The following SLC35F3 variants were observed in gnomAD, a reference collection of about 807,000 sequenced individuals.
The protein encoded by SLC35F3 is solute carrier family 35 member F3.
A neutral mutation model predicts 49.9 loss-of-function variants in SLC35F3; 25 were observed. That is an observed-to-expected ratio of 0.50 (90% CI 0.37 to 0.70). SLC35F3 has a LOEUF of 0.70. Ranked by LOEUF, SLC35F3 falls within the 30% of genes least tolerant of loss-of-function variation. The pLI is 0.00. For synonymous variants in SLC35F3, 275 were observed against 265.4 expected, an observed-to-expected ratio of 1.04 and a Z score of -0.35; for missense variants, 525 against 639.8, an observed-to-expected ratio of 0.82 and a Z score of 1.94.
intron 2 of SLC35F3, among the ~76,000 whole-genome samples, chr1:234,011,476 G>C (rs1017140551): frequency 5.9e-5 from 9 of 152,092 alleles, no homozygotes; most frequent in African/African-American, 2.2e-4. Flanking sequence ...CAAATGGCCA[G>C]AGCCTATCCC....
chr1:234,307,991 T>G (rs1313103019), intron 3 of SLC35F3, among the ~76,000 whole-genome samples: 2 of 152,176 alleles, frequency 1.3e-5, no homozygotes, highest in Admixed American at 1.3e-4. Context: ...TGGCTTTAAT[T>G]TTCTTAAAGA....
chr1:234,095,150 A>G (rs964429997), intron 2 of SLC35F3, among the ~76,000 whole-genome samples: 1 of 152,082 alleles, frequency 6.6e-6, no homozygotes, highest in African/African-American at 2.4e-5. Flanking sequence ...ATATGAAATT[A>G]CTCCCAGAGA....
chr1:234,129,418 C>A (rs2102897444), intron 2 of SLC35F3, among the ~76,000 whole-genome samples: 1 of 152,224 alleles, frequency 6.6e-6, no homozygotes, highest in South Asian at 2.1e-4. Context: ...TACAAAACTA[C>A]AAAAGATTGC....
rs562250316 is a variant in SLC35F3 at position 234,226,663 on chromosome 1, G to A, written c.284-4754G>A. 3.3e-5 allele frequency among the ~76,000 whole-genome samples: 5 copies of A among 151,992 alleles called. No homozygotes were observed. In the South Asian group the frequency reaches 6.3e-4, roughly 19 times the overall value. ...CCCGAATGAGTTGGTAGCTAACCTC[G>A]ACCTTCAGCTCACCCATTGTGACCT... On this transcript the variant is annotated intron_variant, in intron 2 of 7. Coordinates refer to ENST00000366618, the MANE Select transcript of SLC35F3 (RefSeq NM_173508.4).
At chr1:234,098,152 A>G (rs539846189) in intron 2 of SLC35F3, among the ~76,000 whole-genome samples, 3 of 135,112 alleles carry the variant, frequency 2.2e-5, no homozygotes, top group Non-Finnish European at 4.7e-5. Flanking sequence ...GGTGGTAGTG[A>G]TGGTGTTATA....
intron 2 of SLC35F3, among the ~76,000 whole-genome samples, chr1:234,001,834 A>G (rs1474672946): frequency 6.6e-6 from 1 of 152,244 alleles, no homozygotes. Flanking sequence ...CCCATCTTGC[A>G]GGGAAATATG....
At chr1:234,313,447 G>A (rs1657408618) in intron 4 of SLC35F3, among the ~76,000 whole-genome samples, 1 of 152,180 alleles carries the variant, frequency 6.6e-6, no homozygotes, top group African/African-American at 2.4e-5. Flanking sequence ...ATGAGGACAG[G>A]AAGATGCTAA....
intron 2 of SLC35F3, among the ~76,000 whole-genome samples, chr1:233,972,021 C>T (rs1663002100): frequency 6.6e-6 from 1 of 152,210 alleles, no homozygotes; most frequent in Admixed American, 6.5e-5. Flanking sequence ...GGTGAGGGAG[C>T]CCCAGCAGCT....
At chr1:234,002,611 G>A (rs755054191) in intron 2 of SLC35F3, among the ~76,000 whole-genome samples, 4 of 152,110 alleles carry the variant, frequency 2.6e-5, no homozygotes, top group Non-Finnish European at 4.4e-5. Flanking sequence ...TACAGTTGAC[G>A]TTGGCCTTGA....
intron 2 of SLC35F3, among the ~76,000 whole-genome samples, chr1:233,962,894 C>T (rs1662827618): frequency 6.6e-6 from 1 of 152,218 alleles, no homozygotes; most frequent in Non-Finnish European, 1.5e-5. Context: ...AATTAATCCT[C>T]ACTCTTTGCA....
rs796933380 is a variant in SLC35F3, at chr1:234,143,271, C to CTCTTTTCTTT, written c.284-88134_284-88125dup. On this transcript the variant is annotated intron_variant, in intron 2 of 7. Transcript: ENST00000366618. ...GTTCTCTCTGCTTCTATGAGTTTGA[C>CTCTTTTCTTT]TCTTTTCTTTTCTTTTCTTTTTTTT... 3.1e-4 allele frequency among the ~76,000 whole-genome samples: 42 copies of CTCTTTTCTTT among 135,090 alleles called. 3 individuals carry two copies. In the East Asian group the frequency reaches 3.7e-3, roughly 12 times the overall value. 88.6% of individuals were successfully genotyped at this position (135,090 alleles called of 152,430 possible). A position where few individuals can be genotyped will look rare whatever the true frequency, so the allele number is the denominator to read the frequency against.
intron 2 of SLC35F3, among the ~76,000 whole-genome samples, chr1:234,208,940 C>G (rs1321833284): frequency 6.6e-6 from 1 of 152,214 alleles, no homozygotes; most frequent in African/African-American, 2.4e-5. Flanking sequence ...TGAGGAGATC[C>G]TTGGCTTTGA....
At chr1:234,203,288 T>G (rs965599579) in intron 2 of SLC35F3, among the ~76,000 whole-genome samples, 2 of 152,208 alleles carry the variant, frequency 1.3e-5, no homozygotes, top group African/African-American at 4.8e-5. Flanking sequence ...TGTCAAAATA[T>G]TTTAAAAGTG....
intron 2 of SLC35F3, among the ~76,000 whole-genome samples, chr1:234,190,941 G>T (rs1009634110): frequency 2.9e-4 from 44 of 152,164 alleles, no homozygotes; most frequent in African/African-American, 1.0e-3. Flanking sequence ...TGGGGAAGAA[G>T]AAGAGAAGAG....
intron 1 of SLC35F3, 85 bp downstream of exon 1, chr1:233,905,215 G>C: frequency 2.8e-6 from 4 of 1,417,584 alleles, no homozygotes; most frequent in South Asian, 1.2e-5. Context: ...TGGGACACTG[G>C]GCAGTCTGAG....
chr1:234,304,647 G>T (rs2102991877), intron 3 of SLC35F3, among the ~76,000 whole-genome samples: 1 of 152,208 alleles, frequency 6.6e-6, no homozygotes, highest in African/African-American at 2.4e-5. Flanking sequence ...TATCCAGTCA[G>T]CCCAACTCTC....
At chr1:234,218,593 A>G (rs778105534) in intron 2 of SLC35F3, among the ~76,000 whole-genome samples, 5 of 152,244 alleles carry the variant, frequency 3.3e-5, no homozygotes, top group Non-Finnish European at 7.3e-5. Context: ...TAGATAAGGA[A>G]ACTGAGGCTC....
chr1:234,141,381 C>G (rs1175362953), intron 2 of SLC35F3, among the ~76,000 whole-genome samples: 2 of 152,072 alleles, frequency 1.3e-5, no homozygotes, highest in Admixed American at 1.3e-4. Context: ...CTTTCTCCCC[C>G]TTTTTTAAAA....
chr1:233,954,544 A>T (rs1051723119), intron 2 of SLC35F3, among the ~76,000 whole-genome samples: 2 of 152,214 alleles, frequency 1.3e-5, no homozygotes, highest in Admixed American at 6.5e-5. Flanking sequence ...CTCAATCCTA[A>T]GCATCCTTTG....
Sources: allele counts gnomAD v4.1 joint callset (sites outside exome capture counted in the v4.1 genomes callset), GRCh38; gene constraint gnomAD v4.1.1; transcripts MANE v1.5; gene names NCBI Gene and HGNC (gene_info 2026-07-23, HGNC 2026-07-21).